BFSP2: variants seen among roughly 807,000 people sequenced by gnomAD.
The protein encoded by BFSP2 is beaded filament structural protein 2.
In BFSP2, 38 loss-of-function variants were observed where a neutral mutation model predicts 44.9. That is an observed-to-expected ratio of 0.85 (90% CI 0.65 to 1.11). The LOEUF is 1.11. BFSP2 is among the 50% of genes least tolerant of loss of function. The pLI is 0.00. For synonymous variants in BFSP2, 197 were observed against 209.9 expected, an observed-to-expected ratio of 0.94 and a Z score of 0.53; for missense variants, 525 against 533.0, an observed-to-expected ratio of 0.99 and a Z score of 0.15.
Position 133,468,735 on chromosome 3 carries a change from A to G in BFSP2, c.1023+1776A>G, listed in dbSNP as rs139685205. 4.4e-4 allele frequency among the ~76,000 whole-genome samples: 67 copies of G among 152,314 alleles called. 2 individuals are homozygous for G. In the East Asian group the frequency reaches 8.3e-3, roughly 19 times the overall value. ...TTCTAGTGGTCAAAGCAGTCACAAG[A>G]CTATCCTAGATTCAACAGGGAGAGA... is the stretch of plus-strand genomic sequence containing the variant. On this transcript the variant is annotated intron_variant, in intron 5 of 6. Coordinates refer to ENST00000302334, the MANE Select transcript of BFSP2 (RefSeq NM_003571.4).
chr3:133,434,460 C>A (rs1215336576), intron 1 of BFSP2, among the ~76,000 whole-genome samples: 15 of 152,012 alleles, frequency 9.9e-5, no homozygotes, highest in South Asian at 4.1e-4. Context: ...CTCCATACCA[C>A]CCCCCAAAAA....
chr3:133,465,815 C>A (rs1251919366), intron 4 of BFSP2, among the ~76,000 whole-genome samples: 1 of 152,154 alleles, frequency 6.6e-6, no homozygotes, highest in Non-Finnish European at 1.5e-5. Flanking sequence ...AAAATATATA[C>A]CCTTTCTAAT....
At chr3:133,408,398 C>T (rs1366339382) in intron 1 of BFSP2, among the ~76,000 whole-genome samples, 1 of 152,172 alleles carries the variant, frequency 6.6e-6, no homozygotes, top group African/African-American at 2.4e-5. Flanking sequence ...CAAGTTTATA[C>T]AGTGTTGATG....
intron 4 of BFSP2, among the ~76,000 whole-genome samples, chr3:133,465,553 A>G (rs1207863004): frequency 1.3e-5 from 2 of 152,158 alleles, no homozygotes; most frequent in African/African-American, 4.8e-5. Flanking sequence ...TCCCCTGAAT[A>G]TATGGGGAGG....
At chr3:133,453,405 G>T (rs559661437) in intron 4 of BFSP2, among the ~76,000 whole-genome samples, 32 of 152,190 alleles carry the variant, frequency 2.1e-4, no homozygotes, top group Non-Finnish European at 4.0e-4. Flanking sequence ...CTTAGTTTAG[G>T]TTCCTTCAGA....
At chr3:133,458,492 A>C (rs9814808) in intron 4 of BFSP2, among the ~76,000 whole-genome samples, 22,042 of 152,020 alleles carry the variant, frequency 0.14, 1,812 homozygotes, top group African/African-American at 0.22. Flanking sequence ...TCAGGAGTTC[A>C]AGACCAGCCT....
At chr3:133,458,467 G>T (rs544690355) in intron 4 of BFSP2, among the ~76,000 whole-genome samples, 3 of 152,312 alleles carry the variant, frequency 2.0e-5, no homozygotes, top group Non-Finnish European at 2.9e-5. Flanking sequence ...GCCAAGGCAG[G>T]CAGATCACTT....
At chr3:133,451,197 A>T (rs868351154) in intron 4 of BFSP2, among the ~76,000 whole-genome samples, 10 of 152,340 alleles carry the variant, frequency 6.6e-5, no homozygotes, top group African/African-American at 2.4e-4. Context: ...AGTGAAAAAA[A>T]CATACACATT....
At chr3:133,426,955 T>C (rs2073659766) in intron 1 of BFSP2, among the ~76,000 whole-genome samples, 1 of 152,176 alleles carries the variant, frequency 6.6e-6, no homozygotes, top group Non-Finnish European at 1.5e-5. Context: ...TGCATTTGCT[T>C]CCTTTCCAGA....
chr3:133,413,995 C>T (rs2073480171), intron 1 of BFSP2, among the ~76,000 whole-genome samples: 1 of 151,672 alleles, frequency 6.6e-6, no homozygotes, highest in Non-Finnish European at 1.5e-5. Context: ...TGTACTCACG[C>T]CCTACTCATC....
At chr3:133,440,946 T>A (rs1295275961) in intron 1 of BFSP2, among the ~76,000 whole-genome samples, 14 of 152,136 alleles carry the variant, frequency 9.2e-5, no homozygotes. Flanking sequence ...ACCCAGTGGC[T>A]GTGACTGTGC....
At chr3:133,469,389 G>A (rs1465301135) in intron 5 of BFSP2, among the ~76,000 whole-genome samples, 8 of 152,238 alleles carry the variant, frequency 5.3e-5, no homozygotes, top group Non-Finnish European at 1.0e-4. Flanking sequence ...CAGCCAAGCT[G>A]GCGAGACTTT....
rs184729308 is a variant in BFSP2, at chr3:133,473,417, G to A, written c.1244+852G>A. 5.0e-5 allele frequency among the ~76,000 whole-genome samples: 7 copies of A among 139,988 alleles called. No individual in the cohort carries two copies. In the East Asian group the frequency reaches 1.3e-3, roughly 26 times the overall value. The allele number at this position is 139,988 out of a possible 152,430, so 91.8% of individuals were successfully genotyped here. On this transcript the variant is annotated intron_variant, in intron 6 of 6. Coordinates refer to ENST00000302334, the MANE Select transcript of BFSP2 (RefSeq NM_003571.4). Reference sequence around the variant, plus strand: ...ATCACATCCTCATTCCTGGCCGGAAGTGGGAGAGAAGAGGCAGCAGCAAAA... The same window carrying A: ...ATCACATCCTCATTCCTGGCCGGAAATGGGAGAGAAGAGGCAGCAGCAAAA...
intron 1 of BFSP2, among the ~76,000 whole-genome samples, chr3:133,427,814 C>T (rs1402593865): frequency 1.3e-5 from 2 of 152,170 alleles, no homozygotes; most frequent in Admixed American, 6.5e-5. Context: ...CCTTTATTGC[C>T]CGTAAGTGTC....
intron 1 of BFSP2, among the ~76,000 whole-genome samples, chr3:133,418,762 TC>T (rs1240396058): frequency 6.6e-6 from 1 of 152,182 alleles, no homozygotes; most frequent in Non-Finnish European, 1.5e-5. Context: ...ATCATTTACT[TC>T]CGTAAGACTC....
At chr3:133,467,443 GC>G (rs1298099468) in intron 5 of BFSP2, among the ~76,000 whole-genome samples, 1 of 152,112 alleles carries the variant, frequency 6.6e-6, no homozygotes, top group African/African-American at 2.4e-5. Flanking sequence ...CTCGCTTAGT[GC>G]CTTCCTCTGC....
chr3:133,448,690 T>G (rs973164143), intron 3 of BFSP2, 45 bp downstream of exon 3: 4 of 1,604,632 alleles, frequency 2.5e-6, no homozygotes, highest in Non-Finnish European at 3.4e-6. Flanking sequence ...AGACCAGAAG[T>G]TCACATCTGT....
At chr3:133,417,466 TAC>T (rs1454010769) in intron 1 of BFSP2, among the ~76,000 whole-genome samples, 5 of 96,176 alleles carry the variant, frequency 5.2e-5, no homozygotes, top group African/African-American at 8.2e-5. Context: ...TACTCACCCC[TAC>T]CCTCTCCCCT....
At chr3:133,425,538 C>T (rs921098904) in intron 1 of BFSP2, among the ~76,000 whole-genome samples, 2 of 152,170 alleles carry the variant, frequency 1.3e-5, no homozygotes, top group Non-Finnish European at 2.9e-5. Context: ...AAACTAAAAA[C>T]ATCACACTCG....
Sources: gnomAD v4.1 joint callset for allele counts (sites outside exome capture counted in the v4.1 genomes callset) on GRCh38, gnomAD v4.1.1 for gene constraint, MANE v1.5 for transcripts, NCBI Gene and HGNC (gene_info 2026-07-23, HGNC 2026-07-21) for gene names.